HDAC4: variants seen among roughly 807,000 people sequenced by gnomAD.
HDAC4 encodes histone deacetylase A.
In HDAC4, 16 loss-of-function variants were observed where a neutral mutation model predicts 135.1. The observed-to-expected ratio is 0.12, with a 90% CI of 0.08 to 0.18. The LOEUF (loss-of-function observed/expected upper bound fraction) is 0.18. Ranked by LOEUF, HDAC4 falls within the 10% of genes least tolerant of loss-of-function variation. The pLI is 1.00. For synonymous variants in HDAC4, 685 were observed against 653.4 expected (o/e 1.05, Z -0.74); for missense variants, 1,143 against 1,511.8 (o/e 0.76, Z 4.05).
intron 4 of HDAC4, among the ~76,000 whole-genome samples, chr2:239,176,889 C>A (rs545651079): frequency 6.6e-6 from 1 of 152,178 alleles, no homozygotes; most frequent in Non-Finnish European, 1.5e-5. Flanking sequence ...GTGAAGAGAG[C>A]GTGAAATGGT....
chr2:239,111,306 C>A (rs956129270), intron 14 of HDAC4, among the ~76,000 whole-genome samples: 1 of 152,222 alleles, frequency 6.6e-6, no homozygotes, highest in African/African-American at 2.4e-5. Context: ...GGCAAGTGAG[C>A]CCGTGACAGG....
chr2:239,351,454 A>T (rs1203971469), intron 2 of HDAC4, among the ~76,000 whole-genome samples: 1 of 151,934 alleles, frequency 6.6e-6, no homozygotes, highest in Admixed American at 6.6e-5. Flanking sequence ...AAAAAGATAC[A>T]CTCTCACCCA....
chr2:239,274,125 G>A (rs1001445315), intron 2 of HDAC4, among the ~76,000 whole-genome samples: 5 of 152,142 alleles, frequency 3.3e-5, no homozygotes, highest in Admixed American at 6.5e-5. Context: ...TTTCACTTTC[G>A]TAAATGTTTG....
chr2:239,127,130 C>T (rs1249782385), intron 11 of HDAC4, among the ~76,000 whole-genome samples: 2 of 152,188 alleles, frequency 1.3e-5, no homozygotes, highest in Non-Finnish European at 2.9e-5. Flanking sequence ...GGAGCCTCCA[C>T]ATATTTCCAA....
chr2:239,375,689 G>C (rs34376304), intron 1 of HDAC4, among the ~76,000 whole-genome samples: 40,919 of 152,186 alleles, frequency 0.27, 6,077 homozygotes, highest in Non-Finnish European at 0.35. Flanking sequence ...GCAGCAGAAG[G>C]GCAGTCTGGG....
intron 23 of HDAC4, among the ~76,000 whole-genome samples, chr2:239,067,417 A>T (rs1306187076): frequency 6.6e-6 from 1 of 152,224 alleles, no homozygotes; most frequent in Non-Finnish European, 1.5e-5. Flanking sequence ...TGCTGATTAG[A>T]GAGCCCGGAA....
chr2:239,112,253 G>A (rs1005777424), intron 13 of HDAC4, among the ~76,000 whole-genome samples: 4 of 152,222 alleles, frequency 2.6e-5, no homozygotes, highest in African/African-American at 4.8e-5. Flanking sequence ...CACATACGGT[G>A]AGTGGGCACG....
chr2:239,073,906 T>C (rs2034458656), intron 22 of HDAC4, among the ~76,000 whole-genome samples: 1 of 152,146 alleles, frequency 6.6e-6, no homozygotes, highest in Non-Finnish European at 1.5e-5. Context: ...CAGTCCTTTC[T>C]GACCGACATT....
At chr2:239,370,688 G>A (rs1694543964) in intron 1 of HDAC4, among the ~76,000 whole-genome samples, 1 of 152,244 alleles carries the variant, frequency 6.6e-6, no homozygotes, top group Non-Finnish European at 1.5e-5. Context: ...GCACCTGGTG[G>A]AAAGGCTGGT....
intron 1 of HDAC4, among the ~76,000 whole-genome samples, chr2:239,359,346 T>A (rs1693716628): frequency 6.6e-6 from 1 of 152,234 alleles, no homozygotes. Context: ...ACCATGTGAG[T>A]TCCTCCTCAC....
At chr2:239,370,460 G>A (rs929126969) in intron 1 of HDAC4, among the ~76,000 whole-genome samples, 1 of 152,180 alleles carries the variant, frequency 6.6e-6, no homozygotes, top group African/African-American at 2.4e-5. Flanking sequence ...GATTTGCCCA[G>A]AGACAGACCA....
intron 1 of HDAC4, among the ~76,000 whole-genome samples, chr2:239,379,086 C>T (rs1695231894): frequency 6.6e-6 from 1 of 152,184 alleles, no homozygotes; most frequent in African/African-American, 2.4e-5. Flanking sequence ...AAGAAACGCT[C>T]CTCAGGCTAA....
At chr2:239,401,159 G>C (rs1365638750), upstream of HDAC4, 1 of 151,992 alleles carries the variant, frequency 6.6e-6, no homozygotes, top group Non-Finnish European at 1.5e-5. Flanking sequence ...CTAATGAAGA[G>C]CTCGTCAATT....
At chr2:239,185,740 C>T (rs2044510608) in intron 4 of HDAC4, among the ~76,000 whole-genome samples, 1 of 152,182 alleles carries the variant, frequency 6.6e-6, no homozygotes. Context: ...ATCAGAAATG[C>T]AAGAGAGAGG....
At chr2:239,189,233 T>C (rs59569292) in intron 4 of HDAC4, among the ~76,000 whole-genome samples, 1,898 of 152,336 alleles carry the variant, frequency 0.012, 45 homozygotes, top group African/African-American at 0.044. Context: ...TAATCACAGA[T>C]ATCATAACTA....
intron 3 of HDAC4, among the ~76,000 whole-genome samples, chr2:239,201,442 C>T (rs2045749649): frequency 1.3e-5 from 2 of 152,348 alleles, no homozygotes; most frequent in South Asian, 2.1e-4. Context: ...CCCGACCCCT[C>T]GGCCTGCTCT....
At chr2:239,232,274 G>GT (rs2047619222) in intron 3 of HDAC4, among the ~76,000 whole-genome samples, 1 of 152,244 alleles carries the variant, frequency 6.6e-6, no homozygotes, top group Non-Finnish European at 1.5e-5. Context: ...TAAGTTCCCC[G>GT]TAATTCAGCC....
intron 3 of HDAC4, among the ~76,000 whole-genome samples, chr2:239,208,306 G>C: frequency 8.1e-6 from 1 of 123,900 alleles, no homozygotes; most frequent in East Asian, 2.6e-4. Context: ...CAGCCTGGGG[G>C]ACAGAGCGAG....
At chr2:239,124,107 C>A (rs1266540349) in intron 12 of HDAC4, among the ~76,000 whole-genome samples, 1 of 152,178 alleles carries the variant, frequency 6.6e-6, no homozygotes, top group Non-Finnish European at 1.5e-5. Flanking sequence ...ACGTTCCCCT[C>A]CCATCAACTC....
Sources: allele counts gnomAD v4.1 joint callset (sites outside exome capture counted in the v4.1 genomes callset), GRCh38; gene constraint gnomAD v4.1.1; transcripts MANE v1.5; gene names NCBI Gene and HGNC (gene_info 2026-07-23, HGNC 2026-07-21).